Variants in MBNL2 observed in about 807,000 individuals in gnomAD.
The protein encoded by MBNL2 is muscleblind like splicing regulator 2.
In MBNL2, 17 loss-of-function variants were observed where a neutral mutation model predicts 41.9. That is an observed-to-expected ratio of 0.41 (90% CI 0.28 to 0.61). MBNL2 has a LOEUF of 0.61. Ranked by LOEUF, MBNL2 falls within the 20% of genes least tolerant of loss-of-function variation. MBNL2 has a pLI of 0.35. For missense variants in MBNL2, 336 were observed against 505.6 expected, an observed-to-expected ratio of 0.66 and a Z score of 3.22; for synonymous variants, 195 against 182.9, an observed-to-expected ratio of 1.07 and a Z score of -0.53.
chr13:97,383,985 C>T (rs1464733594), intron 8 of MBNL2, among the ~76,000 whole-genome samples: 1 of 151,792 alleles, frequency 6.6e-6, no homozygotes, highest in Non-Finnish European at 1.5e-5. Context: ...CTGCAACCTC[C>T]ACCTCCCAGG....
intron 7 of MBNL2, among the ~76,000 whole-genome samples, chr13:97,363,998 G>A (rs1336011774): frequency 1.3e-5 from 2 of 152,096 alleles, no homozygotes; most frequent in African/African-American, 2.4e-5. Context: ...TACTTCTCAG[G>A]CACCTACATG....
intron 2 of MBNL2, among the ~76,000 whole-genome samples, chr13:97,323,550 A>G (rs2059672730): frequency 6.6e-6 from 1 of 152,194 alleles, no homozygotes; most frequent in Non-Finnish European, 1.5e-5. Flanking sequence ...TTTAAAGTAT[A>G]TAGGAAGATG....
At chr13:97,362,426 G>A (rs2063487980) in intron 7 of MBNL2, among the ~76,000 whole-genome samples, 1 of 152,154 alleles carries the variant, frequency 6.6e-6, no homozygotes, top group South Asian at 2.1e-4. Flanking sequence ...TTCTAAAGAA[G>A]TGACATATAC....
rs549648902 is a variant in MBNL2 at position 97,246,101 on chromosome 13, A to G, written c.-605+23570A>G. Among the ~76,000 whole-genome samples the G allele has an allele frequency of 2.4e-4, 37 of 152,316 alleles. No homozygotes were observed. The East Asian group carries it at 6.9e-3, about 29-fold the overall frequency. On this transcript the variant is annotated intron_variant, in intron 1 of 8. Transcript: ENST00000679496. ...TTGTTCATTGTGGAACTTAAATTGG[A>G]ACTAGCCTCCAAAGTTGGCTGAAAT...
chr13:97,195,315 T>C, the MBNL2 span, among the ~76,000 whole-genome samples: 1 of 152,150 alleles, frequency 6.6e-6, no homozygotes, highest in East Asian at 1.9e-4. Flanking sequence ...AACTCATACC[T>C]TCATGCTCCT....
the MBNL2 span, among the ~76,000 whole-genome samples, chr13:97,184,788 C>G: frequency 1.3e-5 from 2 of 152,154 alleles, no homozygotes; most frequent in South Asian, 4.1e-4. Flanking sequence ...GAGTTTGACT[C>G]CTCCATTTTC....
At chr13:97,230,104 C>G (rs2042182279) in intron 1 of MBNL2, among the ~76,000 whole-genome samples, 1 of 152,176 alleles carries the variant, frequency 6.6e-6, no homozygotes, top group Admixed American at 6.5e-5. Context: ...TTGAGAGCAG[C>G]CTGACCAACA....
intron 2 of MBNL2, among the ~76,000 whole-genome samples, chr13:97,287,721 C>CTTTTTTTTTTTTTT (rs768809008): frequency 1.7e-5 from 2 of 114,898 alleles, no homozygotes; most frequent in East Asian, 2.3e-4. Flanking sequence ...CTTTTCTTTT[C>CTTTTTTTTTTTTTT]TTTTTTTTTT....
At chr13:97,220,909 CTGTT>C (rs1427568712), upstream of MBNL2, among the ~76,000 whole-genome samples, 7 of 152,280 alleles carry the variant, frequency 4.6e-5, no homozygotes, top group African/African-American at 9.6e-5. Flanking sequence ...TAGTTTGTAT[CTGTT>C]TGACCACAGA....
chr13:97,199,220 C>T, the MBNL2 span, among the ~76,000 whole-genome samples: 11 of 152,304 alleles, frequency 7.2e-5, no homozygotes, highest in African/African-American at 2.6e-4. Context: ...TCCCTTACAT[C>T]GTTCATGTCT....
At chr13:97,205,180 A>C in the MBNL2 span, among the ~76,000 whole-genome samples, 1 of 146,130 alleles carries the variant, frequency 6.8e-6, no homozygotes. Context: ...CAAAAAAAAA[A>C]ATTATATATA....
the MBNL2 span, among the ~76,000 whole-genome samples, chr13:97,209,281 A>G: frequency 9.3e-4 from 142 of 152,326 alleles, no homozygotes; most frequent in African/African-American, 3.2e-3. Context: ...ATGTTAATAG[A>G]GTACGAATCT....
At chr13:97,168,882 C>G in the MBNL2 span, among the ~76,000 whole-genome samples, 1 of 152,182 alleles carries the variant, frequency 6.6e-6, no homozygotes, top group Non-Finnish European at 1.5e-5. Context: ...CTCATCTGAT[C>G]TCTCAGAAGC....
intron 5 of MBNL2, among the ~76,000 whole-genome samples, chr13:97,356,556 T>G (rs2063006011): frequency 6.6e-6 from 1 of 152,210 alleles, no homozygotes; most frequent in South Asian, 2.1e-4. Flanking sequence ...GTAGATGCAT[T>G]TTTGCTTCAA....
chr13:97,252,040 CG>C (rs2046657263), intron 1 of MBNL2, among the ~76,000 whole-genome samples: 1 of 150,356 alleles, frequency 6.7e-6, no homozygotes, highest in African/African-American at 2.4e-5. Context: ...TTAGTAGAGA[CG>C]GGGTTTCACC....
chr13:97,273,271 C>T (rs2152922676), intron 1 of MBNL2, among the ~76,000 whole-genome samples: 1 of 152,314 alleles, frequency 6.6e-6, no homozygotes, highest in East Asian at 1.9e-4. Flanking sequence ...GGTGCCTCAT[C>T]TCCCTTGATG....
At chr13:97,148,525 T>A in the MBNL2 span, among the ~76,000 whole-genome samples, 3,091 of 152,282 alleles carry the variant, frequency 0.02, 41 homozygotes, top group Non-Finnish European at 0.031. Flanking sequence ...TTTTGGGGGA[T>A]GCCAATAATC....
chr13:97,323,238 A>G (rs1299438353), intron 2 of MBNL2, among the ~76,000 whole-genome samples: 1 of 152,224 alleles, frequency 6.6e-6, no homozygotes, highest in Non-Finnish European at 1.5e-5. Context: ...CTGTAACAGA[A>G]GATGCATAAT....
At chr13:97,163,809 AG>A in the MBNL2 span, among the ~76,000 whole-genome samples, 1 of 152,146 alleles carries the variant, frequency 6.6e-6, no homozygotes, top group African/African-American at 2.4e-5. Context: ...TATAAGAAAA[AG>A]GGAAATTTGG....
Sources: gnomAD v4.1 joint callset for allele counts (sites outside exome capture counted in the v4.1 genomes callset) on GRCh38, gnomAD v4.1.1 for gene constraint, MANE v1.5 for transcripts, NCBI Gene and HGNC (gene_info 2026-07-23, HGNC 2026-07-21) for gene names.